Variants in CDK14 observed in about 807,000 individuals in gnomAD.
CDK14 encodes the protein cyclin dependent kinase 14.
CDK14 carries 34 observed loss-of-function variants against 60.7 expected under a neutral mutation model. The observed-to-expected ratio is 0.56, with a 90% CI of 0.43 to 0.75. The LOEUF is 0.75. CDK14 is among the 30% of genes least tolerant of loss of function. CDK14 has a pLI of 0.00. For missense variants in CDK14, 482 were observed against 564.1 expected (o/e 0.85, Z 1.47); for synonymous variants, 197 against 203.7 (o/e 0.97, Z 0.28).
chr7:90,755,685 A>G (rs911154476), intron 4 of CDK14, among the ~76,000 whole-genome samples: 3 of 152,216 alleles, frequency 2.0e-5, no homozygotes, highest in Non-Finnish European at 2.9e-5. Flanking sequence ...TAAGGGATAA[A>G]AAACAAAATC....
At chr7:91,176,721 A>C (rs1296210996) in intron 14 of CDK14, among the ~76,000 whole-genome samples, 1 of 151,832 alleles carries the variant, frequency 6.6e-6, no homozygotes, top group African/African-American at 2.4e-5. Context: ...GAAATGGATA[A>C]ATTCCTCGAC....
intron 14 of CDK14, among the ~76,000 whole-genome samples, chr7:91,154,380 C>T (rs1721334258): frequency 1.3e-5 from 2 of 151,462 alleles, no homozygotes; most frequent in Admixed American, 6.6e-5. Flanking sequence ...TTCATGTTGC[C>T]ATGAAGATCT....
chr7:91,077,471 T>C (rs968165357), intron 11 of CDK14, among the ~76,000 whole-genome samples: 1 of 151,328 alleles, frequency 6.6e-6, no homozygotes, highest in Non-Finnish European at 1.5e-5. Flanking sequence ...GAGGGAAATA[T>C]CACACACAGG....
intron 14 of CDK14, among the ~76,000 whole-genome samples, chr7:91,151,614 A>T (rs1407099324): frequency 6.6e-6 from 1 of 152,118 alleles, no homozygotes; most frequent in African/African-American, 2.4e-5. Flanking sequence ...CAACAATCTA[A>T]ATAGAAGCTG....
At chr7:90,736,508 G>C (rs1360745283) in intron 3 of CDK14, among the ~76,000 whole-genome samples, 1 of 151,628 alleles carries the variant, frequency 6.6e-6, no homozygotes, top group Non-Finnish European at 1.5e-5. Context: ...GGGAAGCATG[G>C]GAAAACAAGG....
At chr7:90,869,249 A>G (rs1170845773) in intron 6 of CDK14, among the ~76,000 whole-genome samples, 1 of 152,210 alleles carries the variant, frequency 6.6e-6, no homozygotes, top group Non-Finnish European at 1.5e-5. Context: ...CACACATGCA[A>G]CTTTAATTGA....
intron 4 of CDK14, among the ~76,000 whole-genome samples, chr7:90,771,000 T>C (rs899038965): frequency 1.3e-5 from 2 of 152,206 alleles, no homozygotes; most frequent in Non-Finnish European, 2.9e-5. Context: ...CCCTGATGTC[T>C]GATCACCCTG....
At chr7:90,628,065 C>T (rs972094774) in intron 2 of CDK14, among the ~76,000 whole-genome samples, 3 of 152,256 alleles carry the variant, frequency 2.0e-5, no homozygotes, top group East Asian at 1.9e-4. Context: ...AGTGATCCTC[C>T]CACTTCGGCC....
intron 10 of CDK14, among the ~76,000 whole-genome samples, chr7:91,045,533 C>T (rs1199020050): frequency 6.6e-6 from 1 of 152,084 alleles, no homozygotes; most frequent in Admixed American, 6.5e-5. Flanking sequence ...ACATGTGATA[C>T]TGGAGTGAAA....
chr7:90,853,298 C>T (rs1186757773), intron 5 of CDK14, among the ~76,000 whole-genome samples: 1 of 152,092 alleles, frequency 6.6e-6, no homozygotes, highest in South Asian at 2.1e-4. Context: ...CATCAAAATA[C>T]CATCAAATTT....
At position 90,971,016 on chromosome 7, in the gene CDK14, C is replaced by T. The variant is rs183233708; in HGVS notation, c.948-13132C>T. Among the ~76,000 whole-genome samples the T allele has an allele frequency of 1.4e-3, 220 of 152,086 alleles. 1 individual carries two copies. Among genetic ancestry groups the T allele is most frequent in the Non-Finnish European group, 2.3e-3 (156 of 67,992 alleles). ...ACATATGTATACATGTGCCATGTTG[C>T]GCTCATCAACTCGTCATTTAGCATT... On this transcript the variant is annotated intron_variant, in intron 9 of 14. Coordinates refer to ENST00000380050, the MANE Select transcript of CDK14 (RefSeq NM_001287135.2).
At chr7:90,923,766 G>A (rs1793326222) in intron 8 of CDK14, among the ~76,000 whole-genome samples, 1 of 152,210 alleles carries the variant, frequency 6.6e-6, no homozygotes, top group African/African-American at 2.4e-5. Flanking sequence ...AAAACATCAT[G>A]TGTTTCTTTT....
At chr7:91,037,936 G>T (rs1796980632) in intron 10 of CDK14, among the ~76,000 whole-genome samples, 3 of 152,178 alleles carry the variant, frequency 2.0e-5, no homozygotes, top group African/African-American at 7.2e-5. Context: ...GGAAATCCAG[G>T]TATTCTCCAG....
chr7:91,079,087 T>C (rs1008501538), intron 11 of CDK14, among the ~76,000 whole-genome samples: 1 of 152,168 alleles, frequency 6.6e-6, no homozygotes, highest in South Asian at 2.1e-4. Flanking sequence ...CTTGACGAAA[T>C]GTGTTGATAT....
At chr7:91,041,195 A>G (rs1797081598) in intron 10 of CDK14, among the ~76,000 whole-genome samples, 1 of 148,566 alleles carries the variant, frequency 6.7e-6, no homozygotes, top group Non-Finnish European at 1.5e-5. Flanking sequence ...TTTTTTTAAC[A>G]GATGTTAAAT....
rs757649963 is a variant in CDK14, at chr7:90,833,142, A to G, written c.545-30033A>G. On this transcript the variant is annotated intron_variant, in intron 5 of 14. Coordinates refer to ENST00000380050, the MANE Select transcript of CDK14 (RefSeq NM_001287135.2). ...TTTCCACTTCCTGTCTCATGAGCTC[A>G]TTTTGTTTTAAATCTCATTCATGTT... 6.4e-4 allele frequency among the ~76,000 whole-genome samples: 97 copies of G among 152,200 alleles called. 1 individual carries two copies. The highest frequency in any genetic ancestry group is 2.9e-4 in the Non-Finnish European group (20 of 68,032).
At chr7:90,835,766 A>G (rs1790074754) in intron 5 of CDK14, among the ~76,000 whole-genome samples, 1 of 152,116 alleles carries the variant, frequency 6.6e-6, no homozygotes, top group Non-Finnish European at 1.5e-5. Context: ...ATTCTGATAA[A>G]TGTACCGTTA....
chr7:90,822,065 A>G (rs903711457), intron 5 of CDK14, among the ~76,000 whole-genome samples: 2 of 152,182 alleles, frequency 1.3e-5, no homozygotes, highest in African/African-American at 2.4e-5. Flanking sequence ...TCTATTATTC[A>G]TTGTATACTA....
At chr7:90,789,230 C>T (rs1805724765) in intron 4 of CDK14, among the ~76,000 whole-genome samples, 1 of 151,992 alleles carries the variant, frequency 6.6e-6, no homozygotes, top group South Asian at 2.1e-4. Context: ...ATAAGAACAC[C>T]CTGTGGTTTT....
Sources: gnomAD v4.1 joint callset for allele counts (sites outside exome capture counted in the v4.1 genomes callset) on GRCh38, gnomAD v4.1.1 for gene constraint, MANE v1.5 for transcripts, NCBI Gene and HGNC (gene_info 2026-07-23, HGNC 2026-07-21) for gene names.